CPEB1: variants seen among roughly 807,000 people sequenced by gnomAD.
CPEB1 encodes the protein cytoplasmic polyadenylation element-binding protein 1.
Under a neutral mutation model 65.8 loss-of-function variants are expected in CPEB1, and 7 were observed. That is an observed-to-expected ratio of 0.11 (90% CI 0.06 to 0.20). The LOEUF is 0.20. Among genes scored for constraint, CPEB1 ranks in the 10% least tolerant of loss-of-function variants. The pLI, the probability that CPEB1 is intolerant of heterozygous loss-of-function variation, is 1.00. For synonymous variants in CPEB1, 262 were observed against 260.0 expected (o/e 1.01, Z -0.08); for missense variants, 551 against 712.2 (o/e 0.77, Z 2.58).
intron 3 of CPEB1, chr15:82,573,286 C>T (rs2040290163): frequency 1.2e-6 from 1 of 864,802 alleles, no homozygotes; most frequent in South Asian, 2.0e-5. Flanking sequence ...CACGTTATTC[C>T]TCCTGGCTGT....
chr15:82,623,084 C>G (rs2045456489), intron 3 of CPEB1, among the ~76,000 whole-genome samples: 1 of 152,164 alleles, frequency 6.6e-6, no homozygotes, highest in Non-Finnish European at 1.5e-5. Flanking sequence ...GCTTTGGGCC[C>G]TAATGGCCAA....
At chr15:82,563,712 AT>A (rs1282571194) in intron 4 of CPEB1, among the ~76,000 whole-genome samples, 1 of 152,128 alleles carries the variant, frequency 6.6e-6, no homozygotes, top group African/African-American at 2.4e-5. Context: ...TGTGCAAATG[AT>A]AAAGCAAATG....
intron 4 of CPEB1, among the ~76,000 whole-genome samples, chr15:82,568,247 T>C (rs1271024223): frequency 6.6e-6 from 1 of 152,052 alleles, no homozygotes; most frequent in Admixed American, 6.6e-5. Flanking sequence ...GCACAAAAAT[T>C]AGTCGATAAA....
chr15:82,644,696 CTG>C (rs1164081348), intron 1 of CPEB1, among the ~76,000 whole-genome samples: 2 of 152,214 alleles, frequency 1.3e-5, no homozygotes, highest in Non-Finnish European at 2.9e-5. Context: ...GGCACATACT[CTG>C]TAGTTCAGAA....
intron 4 of CPEB1, among the ~76,000 whole-genome samples, chr15:82,565,030 C>T (rs1283202436): frequency 6.6e-6 from 1 of 152,206 alleles, no homozygotes; most frequent in Admixed American, 6.5e-5. Flanking sequence ...ATGTCAGCAT[C>T]TCCATGCATC....
At chr15:82,613,407 A>G (rs2044370024) in intron 3 of CPEB1, among the ~76,000 whole-genome samples, 1 of 151,906 alleles carries the variant, frequency 6.6e-6, no homozygotes, top group South Asian at 2.1e-4. Context: ...GTTTTTTTGG[A>G]GACAGTGTCT....
intron 1 of CPEB1, among the ~76,000 whole-genome samples, chr15:82,643,912 T>C (rs1382641040): frequency 2.0e-5 from 3 of 152,240 alleles, no homozygotes; most frequent in Non-Finnish European, 4.4e-5. Context: ...TGAGATTTAG[T>C]AAGCTCCATG....
chr15:82,593,374 C>T (rs1473712701), intron 3 of CPEB1, among the ~76,000 whole-genome samples: 1 of 152,198 alleles, frequency 6.6e-6, no homozygotes, highest in Non-Finnish European at 1.5e-5. Flanking sequence ...GGAGTAGATT[C>T]TATCAATAAA....
In CPEB1 at chr15:82,545,520, T is replaced by C. The variant is rs999170181; in HGVS notation, c.1657-818A>G. On this transcript the variant is annotated intron_variant, in intron 12 of 12. Transcript: ENST00000684509. The stretch of plus-strand genomic sequence containing the variant: ...TACTGACTAGCAGCATTGACACCAC[T>C]TGGATACTTGTTGGACACATGGAAT... Among the ~76,000 whole-genome samples, 8 of 152,298 alleles carry C rather than the reference T, an allele frequency of 5.3e-5. 1 individual carries two copies. The highest frequency in any genetic ancestry group is 3.9e-4 in the Admixed American group (6 of 15,300).
chr15:82,597,903 G>A (rs1328028264), intron 3 of CPEB1, among the ~76,000 whole-genome samples: 1 of 152,202 alleles, frequency 6.6e-6, no homozygotes, highest in Non-Finnish European at 1.5e-5. Flanking sequence ...TAGGAGAGCT[G>A]CTCCAGATAT....
chr15:82,554,618 G>A (rs529978559), intron 6 of CPEB1, among the ~76,000 whole-genome samples: 35 of 152,300 alleles, frequency 2.3e-4, no homozygotes, highest in Admixed American at 7.8e-4. Context: ...TAATGAATCA[G>A]TCTTCAATCC....
At chr15:82,636,290 T>C (rs567439644) in intron 1 of CPEB1, among the ~76,000 whole-genome samples, 63 of 152,268 alleles carry the variant, frequency 4.1e-4, no homozygotes, top group African/African-American at 1.4e-3. Flanking sequence ...AAAAAGACAC[T>C]AAACAACTGC....
In CPEB1 at chr15:82,571,521, A is replaced by C. The variant is rs752803486; in HGVS notation, c.283T>G (p.Ser95Ala). The C allele has an allele frequency of 9.9e-6, 16 of 1,613,532 alleles. No individual in the cohort carries two copies. The South Asian group carries it at 1.2e-4, about 12-fold the overall frequency. ...ATCCTGCTTGTAACTGTTTCTTCAG[A>C]GTCCTGGAAGTCTGTTTTGGAAAGG... Reference protein sequence around the residue: ...IHDHLPDFQDSEETVTSRMLF... With the variant: ...IHDHLPDFQDAEETVTSRMLF... The change falls in exon 4 of 13, where the codon TCT (serine) becomes GCT (alanine). Residue 95 changes from serine to alanine, a missense_variant. Transcript: ENST00000684509.
chr15:82,620,790 T>A (rs1026433937), intron 3 of CPEB1, among the ~76,000 whole-genome samples: 2 of 152,138 alleles, frequency 1.3e-5, no homozygotes, highest in African/African-American at 4.8e-5. Flanking sequence ...GTGACAGTGA[T>A]ACCCCATCTC....
At chr15:82,626,183 C>T (rs2045756376) in intron 3 of CPEB1, among the ~76,000 whole-genome samples, 1 of 151,644 alleles carries the variant, frequency 6.6e-6, no homozygotes, top group Non-Finnish European at 1.5e-5. Context: ...CACCTATAAT[C>T]CCAGCACTTT....
At chr15:82,579,458 AATT>A (rs2041009223) in intron 3 of CPEB1, among the ~76,000 whole-genome samples, 1 of 151,216 alleles carries the variant, frequency 6.6e-6, no homozygotes, top group African/African-American at 2.4e-5. Context: ...TCCAATAAAC[AATT>A]ATTAAAGAAT....
At position 82,616,830 on chromosome 15, in the gene CPEB1, CTA is replaced by C. The variant is rs2044761880; in HGVS notation, c.271+10361_271+10362del. Among the ~76,000 whole-genome samples, 3 of 152,114 alleles carry C rather than the reference CTA, an allele frequency of 2.0e-5. No homozygotes were observed. In the South Asian group the frequency reaches 6.2e-4, roughly 32 times the overall value. On this transcript the variant is annotated intron_variant, in intron 3 of 12. Transcript: ENST00000684509. ...TTTAAATCCTACCATTCAGAGATAA[CTA>C]TGTTTACAAAGGTTAACAGCTTTGA...
intron 3 of CPEB1, among the ~76,000 whole-genome samples, chr15:82,608,846 C>T (rs2043871683): frequency 6.6e-6 from 1 of 152,104 alleles, no homozygotes; most frequent in South Asian, 2.1e-4. Context: ...CACTATAAAA[C>T]AACTAGAACA....
At chr15:82,639,056 A>G (rs60114136) in intron 1 of CPEB1, among the ~76,000 whole-genome samples, 49 of 152,332 alleles carry the variant, frequency 3.2e-4, no homozygotes, top group African/African-American at 1.1e-3. Context: ...CTGACTTTAT[A>G]GCCTCTTAAA....
Sources: allele counts gnomAD v4.1 joint callset (sites outside exome capture counted in the v4.1 genomes callset), GRCh38; gene constraint gnomAD v4.1.1; transcripts MANE v1.5; gene names NCBI Gene and HGNC (gene_info 2026-07-23, HGNC 2026-07-21).